The following WWC2 variants were observed in gnomAD, a reference collection of about 807,000 sequenced individuals.
WWC2 encodes WW and C2 domain containing 2.
Under a neutral mutation model 138.5 loss-of-function variants are expected in WWC2, and 101 were observed. That is an observed-to-expected ratio of 0.73 (90% CI 0.62 to 0.86). WWC2 has a LOEUF of 0.86. WWC2 is among the 40% of genes least tolerant of loss of function. The pLI is 0.00. For missense variants in WWC2, 1,420 were observed against 1,419.4 expected (o/e 1.00, Z -0.01); for synonymous variants, 558 against 538.4 (o/e 1.04, Z -0.50).
At chr4:183,201,841 C>A (rs1034892167) in intron 2 of WWC2, among the ~76,000 whole-genome samples, 1 of 152,164 alleles carries the variant, frequency 6.6e-6, no homozygotes, top group African/African-American at 2.4e-5. Flanking sequence ...CATATAGTGG[C>A]CAGCCCCATG....
intron 1 of WWC2, among the ~76,000 whole-genome samples, chr4:183,150,036 G>C (rs1022709185): frequency 1.3e-5 from 2 of 152,138 alleles, no homozygotes; most frequent in African/African-American, 4.8e-5. Context: ...TTGAGGTTGA[G>C]AAACTGAACA....
At chr4:183,241,535 A>T (rs1219390757) in intron 5 of WWC2, among the ~76,000 whole-genome samples, 1 of 152,164 alleles carries the variant, frequency 6.6e-6, no homozygotes, top group African/African-American at 2.4e-5. Context: ...ACTCCTTCAG[A>T]TGCTCCCATC....
chr4:183,141,341 C>T (rs1733293804), intron 1 of WWC2, among the ~76,000 whole-genome samples: 1 of 152,056 alleles, frequency 6.6e-6, no homozygotes, highest in Non-Finnish European at 1.5e-5. Context: ...GTCAGTTCTC[C>T]CTTGTCTCTT....
rs1386343335 is a variant in WWC2 at position 183,289,598 on chromosome 4, A to G, written c.3347A>G (p.Glu1116Gly). The change falls in exon 21 of 23, where the codon GAG becomes GGG. Residue 1116 changes from glutamate to glycine, a missense_variant. Transcript: ENST00000403733. ...CTTCCACCAGGCGTGCTGGAGGATGAGAGGTTCCAGAGGCTTCTGAAGCAA... is the reference window on the plus strand; with the variant it reads ...CTTCCACCAGGCGTGCTGGAGGATGGGAGGTTCCAGAGGCTTCTGAAGCAA... ...TDLPPGVLED[E>G]RFQRLLKQAE... The G allele has an allele frequency of 6.2e-7, 1 of 1,613,850 alleles. No homozygotes were observed. Among genetic ancestry groups the G allele is most frequent in the Non-Finnish European group, 8.5e-7 (1 of 1,179,870 alleles).
At chr4:183,124,319 G>A (rs563794986) in intron 1 of WWC2, among the ~76,000 whole-genome samples, 20 of 150,282 alleles carry the variant, frequency 1.3e-4, no homozygotes, top group African/African-American at 4.6e-4. Flanking sequence ...AACTGCAATC[G>A]TTTTCCTGTT....
intron 4 of WWC2, among the ~76,000 whole-genome samples, chr4:183,237,764 C>G (rs899716821): frequency 2.6e-5 from 4 of 152,200 alleles, no homozygotes; most frequent in African/African-American, 9.7e-5. Context: ...GTGCCTAAAG[C>G]TATGCAAACA....
chr4:183,126,925 T>G (rs868548045), intron 1 of WWC2, among the ~76,000 whole-genome samples: 3 of 145,366 alleles, frequency 2.1e-5, no homozygotes, highest in Non-Finnish European at 3.0e-5. Flanking sequence ...TAAAGAGAGA[T>G]AGAGTCTCAC....
chr4:183,256,992 G>A (rs1175415950), intron 9 of WWC2, among the ~76,000 whole-genome samples: 1 of 150,998 alleles, frequency 6.6e-6, no homozygotes, highest in Non-Finnish European at 1.5e-5. Flanking sequence ...TGGGAAAGAG[G>A]TGCTCATGGT....
At chr4:183,154,002 C>CAAAAAA (rs35002790) in intron 1 of WWC2, among the ~76,000 whole-genome samples, 2 of 71,640 alleles carry the variant, frequency 2.8e-5, no homozygotes, top group Non-Finnish European at 4.8e-5. Flanking sequence ...CTTTAAAAAG[C>CAAAAAA]AAAAAAAAAA....
At chr4:183,100,241 A>T (rs1234256202) in intron 1 of WWC2, among the ~76,000 whole-genome samples, 1 of 152,268 alleles carries the variant, frequency 6.6e-6, no homozygotes, top group Admixed American at 6.5e-5. Context: ...TCTTCACCTG[A>T]AAACTTGAAC....
chr4:183,190,992 CCTT>C (rs750549989), intron 1 of WWC2, among the ~76,000 whole-genome samples: 17 of 152,156 alleles, frequency 1.1e-4, no homozygotes, highest in East Asian at 1.9e-4. Flanking sequence ...CGTGTTTTCT[CCTT>C]CTTCATTTCT....
intron 1 of WWC2, among the ~76,000 whole-genome samples, chr4:183,117,785 G>A (rs1434413789): frequency 2.7e-5 from 4 of 149,664 alleles, no homozygotes; most frequent in African/African-American, 9.8e-5. Flanking sequence ...ACCTTGATTG[G>A]GGATCTTTTT....
chr4:183,211,042 A>T (rs1332591526), intron 4 of WWC2, among the ~76,000 whole-genome samples: 2 of 152,170 alleles, frequency 1.3e-5, no homozygotes, highest in Non-Finnish European at 2.9e-5. Flanking sequence ...TGAATTTTAT[A>T]TTTCCATTGT....
chr4:183,280,976 T>C, intron 17 of WWC2, 79 bp downstream of exon 17: 1 of 1,471,704 alleles, frequency 6.8e-7, no homozygotes, highest in Non-Finnish European at 9.0e-7. Context: ...CTTTGTAGGC[T>C]CATGCTTTAT....
chr4:183,187,484 C>T (rs891766452), intron 1 of WWC2, among the ~76,000 whole-genome samples: 10 of 150,888 alleles, frequency 6.6e-5, no homozygotes, highest in Non-Finnish European at 1.3e-4. Flanking sequence ...ACCTGGGAGG[C>T]GGAGGTTGCA....
chr4:183,113,480 C>CTGTGTGTGTGTGTGTGTG (rs113602820), intron 1 of WWC2, among the ~76,000 whole-genome samples: 10 of 143,708 alleles, frequency 7.0e-5, no homozygotes, highest in African/African-American at 2.3e-4. Context: ...AAGGTGGGGC[C>CTGTGTGTGTGTGTGTGTG]TGTGTGTGTG....
intron 21 of WWC2, among the ~76,000 whole-genome samples, chr4:183,293,197 C>T (rs1439848427): frequency 6.6e-6 from 1 of 152,144 alleles, no homozygotes; most frequent in Admixed American, 6.5e-5. Context: ...TCAGGTGATC[C>T]ACCAACCTCA....
At chr4:183,118,045 A>T (rs894662299) in intron 1 of WWC2, among the ~76,000 whole-genome samples, 3 of 146,010 alleles carry the variant, frequency 2.1e-5, no homozygotes, top group African/African-American at 5.1e-5. Flanking sequence ...TGATCCACCC[A>T]CCTTGGCCTC....
intron 1 of WWC2, among the ~76,000 whole-genome samples, chr4:183,142,322 G>A (rs1422683104): frequency 6.6e-6 from 1 of 152,170 alleles, no homozygotes; most frequent in Admixed American, 6.5e-5. Flanking sequence ...TTTCCTGTCT[G>A]TCCCAAATAT....
Sources: gnomAD v4.1 joint callset for allele counts (sites outside exome capture counted in the v4.1 genomes callset) on GRCh38, gnomAD v4.1.1 for gene constraint, MANE v1.5 for transcripts, NCBI Gene and HGNC (gene_info 2026-07-23, HGNC 2026-07-21) for gene names.